Variants in GRIA3 observed in about 807,000 individuals in gnomAD.
The protein encoded by GRIA3 is glutamate ionotropic receptor AMPA type subunit 3.
Under a neutral mutation model 63.0 loss-of-function variants are expected in GRIA3, and 3 were observed. That is an observed-to-expected ratio of 0.05 (90% CI 0.02 to 0.12). The LOEUF (loss-of-function observed/expected upper bound fraction) is 0.12. GRIA3 is among the 10% of genes least tolerant of loss of function. The pLI is 1.00. For synonymous variants in GRIA3, 274 were observed against 257.9 expected, an observed-to-expected ratio of 1.06 and a Z score of -0.60; for missense variants, 347 against 700.9, an observed-to-expected ratio of 0.50 and a Z score of 5.70.
intron 4 of GRIA3, among the ~76,000 whole-genome samples, chrX:123,351,851 T>C (rs2045096625): frequency 8.9e-6 from 1 of 112,201 alleles, no homozygotes; most frequent in African/African-American, 3.2e-5. Flanking sequence ...TTAATGTTCC[T>C]ATCTTTAGAT....
chrX:123,358,110 A>G (rs751120946), intron 5 of GRIA3, among the ~76,000 whole-genome samples: 1 of 111,304 alleles, frequency 9.0e-6, no homozygotes, highest in Non-Finnish European at 1.9e-5. Flanking sequence ...GAGAACCAAA[A>G]CTATTTAGAA....
chrX:123,258,240 T>C (rs748887202), intron 3 of GRIA3, among the ~76,000 whole-genome samples: 5 of 112,683 alleles, frequency 4.4e-5, no homozygotes, highest in Admixed American at 1.9e-4. Context: ...ATAGTCTTTC[T>C]CTGCTAGTGA....
At chrX:123,380,498 T>G (rs1345088852) in intron 5 of GRIA3, among the ~76,000 whole-genome samples, 3 of 111,836 alleles carry the variant, frequency 2.7e-5, no homozygotes, top group East Asian at 2.9e-4. Flanking sequence ...GGTTGTTGGT[T>G]TTTTTCTTGT....
chrX:123,257,704 CAG>C (rs2044427828), intron 3 of GRIA3, among the ~76,000 whole-genome samples: 1 of 110,985 alleles, frequency 9.0e-6, no homozygotes, highest in Admixed American at 9.6e-5. Context: ...GAAAGAGAAA[CAG>C]AAGAGAACAC....
intron 2 of GRIA3, among the ~76,000 whole-genome samples, chrX:123,211,661 A>G (rs1270059847): frequency 8.9e-6 from 1 of 112,327 alleles, no homozygotes; most frequent in African/African-American, 3.2e-5. Flanking sequence ...TAGCCATGAT[A>G]TACTATCATC....
intron 3 of GRIA3, among the ~76,000 whole-genome samples, chrX:123,293,020 G>T (rs1482789074): frequency 9.0e-6 from 1 of 110,515 alleles, no homozygotes; most frequent in South Asian, 3.8e-4. Context: ...AGCCCTAAGG[G>T]TATGGTACCT....
chrX:123,348,907 C>G (rs1402373288), intron 4 of GRIA3, among the ~76,000 whole-genome samples: 1 of 112,156 alleles, frequency 8.9e-6, no homozygotes, highest in Non-Finnish European at 1.9e-5. Flanking sequence ...TTCATCAGGA[C>G]AGGGAAACCT....
chrX:123,366,128 G>A (rs927635534), intron 5 of GRIA3, among the ~76,000 whole-genome samples: 2 of 111,245 alleles, frequency 1.8e-5, no homozygotes, highest in South Asian at 3.9e-4. Flanking sequence ...TCTTGGTTTT[G>A]GTGAGATTTA....
chrX:123,346,179 C>T (rs965979054), intron 4 of GRIA3, among the ~76,000 whole-genome samples: 5 of 111,677 alleles, frequency 4.5e-5, no homozygotes, highest in South Asian at 3.8e-4. Context: ...TACTGCCTCT[C>T]GACTATTGTA....
chrX:123,308,510 A>T (rs952057773), intron 3 of GRIA3, among the ~76,000 whole-genome samples: 2 of 112,129 alleles, frequency 1.8e-5, no homozygotes, highest in Non-Finnish European at 3.8e-5. Flanking sequence ...GCTTGAAATA[A>T]GACATTGTGG....
chrX:123,285,477 C>T (rs2044611887), intron 3 of GRIA3, among the ~76,000 whole-genome samples: 1 of 105,133 alleles, frequency 9.5e-6, no homozygotes, highest in South Asian at 4.6e-4. Flanking sequence ...AGAGTCAAGG[C>T]CCATCGGTGT....
intron 12 of GRIA3, among the ~76,000 whole-genome samples, chrX:123,443,824 GA>G (rs2045688910): frequency 9.0e-6 from 1 of 111,488 alleles, no homozygotes; most frequent in Non-Finnish European, 1.9e-5. Flanking sequence ...TTCATAAAAA[GA>G]AAGAAGAAAA....
chrX:123,316,740 A>G (rs58154165), intron 3 of GRIA3, among the ~76,000 whole-genome samples: 4,725 of 112,223 alleles, frequency 0.042, 234 homozygotes, highest in African/African-American at 0.14. Context: ...TGTTCATGAT[A>G]TAATGCTAGA....
At chrX:123,362,714 G>T (rs2045183965) in intron 5 of GRIA3, among the ~76,000 whole-genome samples, 1 of 96,380 alleles carries the variant, frequency 1.0e-5, no homozygotes. Context: ...GAAGCTGTTA[G>T]TAAAAAAAAA....
chrX:123,346,144 G>A (rs745729471), intron 4 of GRIA3, among the ~76,000 whole-genome samples: 3 of 111,598 alleles, frequency 2.7e-5, no homozygotes, highest in Non-Finnish European at 5.6e-5. Flanking sequence ...AGGCAGTCTA[G>A]CCTGTACTCT....
At chrX:123,271,320 C>T (rs1331970541) in intron 3 of GRIA3, among the ~76,000 whole-genome samples, 45 of 112,051 alleles carry the variant, frequency 4.0e-4, no homozygotes, top group Non-Finnish European at 3.0e-4. Flanking sequence ...CTTTACACTT[C>T]CAAGCACTTT....
chrX:123,347,355 G>A (rs2045058223), intron 4 of GRIA3, among the ~76,000 whole-genome samples: 1 of 112,347 alleles, frequency 8.9e-6, no homozygotes. Flanking sequence ...GCTCCCAGTA[G>A]AAAGAGAAAT....
At chrX:123,308,461 A>G (rs1237606932) in intron 3 of GRIA3, among the ~76,000 whole-genome samples, 4 of 111,841 alleles carry the variant, frequency 3.6e-5, no homozygotes, top group Non-Finnish European at 7.5e-5. Context: ...TAGCAAAAAC[A>G]TATGCTCATT....
At chrX:123,367,433 G>GTT (rs199962371) in intron 5 of GRIA3, among the ~76,000 whole-genome samples, 15 of 105,195 alleles carry the variant, frequency 1.4e-4, no homozygotes, top group Non-Finnish European at 2.4e-4. Context: ...TTTGTTTTTT[G>GTT]TTTTTTGTTT....
Sources: allele counts gnomAD v4.1 joint callset (sites outside exome capture counted in the v4.1 genomes callset), GRCh38; gene constraint gnomAD v4.1.1; transcripts MANE v1.5; gene names NCBI Gene and HGNC (gene_info 2026-07-23, HGNC 2026-07-21).